The following LRRC31 variants were observed in gnomAD, a reference collection of about 807,000 sequenced individuals.
The protein encoded by LRRC31 is leucine rich repeat containing 31, also known as leucine-rich repeat-containing protein 31.
In LRRC31, 35 loss-of-function variants were observed where a neutral mutation model predicts 46.7. That is an observed-to-expected ratio of 0.75 (90% confidence interval 0.57 to 0.99). The LOEUF (loss-of-function observed/expected upper bound fraction) is 0.99, where lower values mean the gene tolerates loss of function less well. Among genes scored for constraint, LRRC31 ranks in the 50% least tolerant of loss-of-function variants. The pLI, the probability that LRRC31 is intolerant of heterozygous loss-of-function variation, is 0.00. For missense variants in LRRC31, 613 were observed against 626.1 expected, an observed-to-expected ratio of 0.98 and a Z score of 0.22; for synonymous variants, 236 against 235.1, an observed-to-expected ratio of 1.00 and a Z score of -0.03.
At chr3:169,851,427 A>C (rs543565782) in intron 7 of LRRC31, among the ~76,000 whole-genome samples, 192 bp downstream of exon 7, 7 of 152,218 alleles carry the variant, frequency 4.6e-5, no homozygotes, top group Non-Finnish European at 7.4e-5. Context: ...ACAACAACAA[A>C]AAAAACCCTG....
chr3:169,862,266 C>T (rs930805902), intron 1 of LRRC31, among the ~76,000 whole-genome samples: 5 of 152,160 alleles, frequency 3.3e-5, no homozygotes, highest in African/African-American at 1.2e-4. Flanking sequence ...TGCAAATGGC[C>T]ACACGGAGTA....
At position 169,869,914 on chromosome 3, in the gene LRRC31, A is replaced by G. The variant is rs1357314375; in HGVS notation, c.-107T>C. The stretch of plus-strand genomic sequence containing the variant: ...ATTCTGTCAAGCCTGTGTTCAATCA[A>G]AATATCCTCCCCTACATGACTGCCC... On this transcript the variant is annotated 5_prime_UTR_variant, in exon 1 of 9. Transcript: ENST00000316428. 9.8e-6 allele frequency: 10 copies of G among 1,020,012 alleles called. No individual in the cohort carries two copies. The highest frequency in any genetic ancestry group is 2.6e-4 in the Middle Eastern group (1 of 3,804). 63.2% of individuals were successfully genotyped at this position (1,020,012 alleles called of 1,614,324 possible). A position where few individuals can be genotyped will look rare whatever the true frequency, so the allele number is the denominator to read the frequency against.
At chr3:169,866,279 G>A (rs770041996) in intron 1 of LRRC31, among the ~76,000 whole-genome samples, 2 of 152,130 alleles carry the variant, frequency 1.3e-5, no homozygotes, top group Non-Finnish European at 2.9e-5. Context: ...GCAATGGAGA[G>A]GAAGAACCAG....
At chr3:169,865,741 G>A (rs1045770328) in intron 1 of LRRC31, among the ~76,000 whole-genome samples, 5 of 152,270 alleles carry the variant, frequency 3.3e-5, no homozygotes, top group African/African-American at 1.2e-4. Context: ...GGTGATTCCA[G>A]GTCGGGGAGG....
At chr3:169,858,373 G>T (rs1171423231) in intron 3 of LRRC31, among the ~76,000 whole-genome samples, 1 of 152,184 alleles carries the variant, frequency 6.6e-6, no homozygotes, top group Non-Finnish European at 1.5e-5. Context: ...TCAGGAAAAA[G>T]ATCAGGTTAA....
intron 8 of LRRC31, among the ~76,000 whole-genome samples, chr3:169,844,367 C>A (rs1780540440): frequency 6.6e-6 from 1 of 152,034 alleles, no homozygotes; most frequent in Non-Finnish European, 1.5e-5. Context: ...AAATGCTCAT[C>A]TCAATAGATG....
At chr3:169,859,825 G>C (rs534802535) in intron 3 of LRRC31, among the ~76,000 whole-genome samples, 17 of 152,238 alleles carry the variant, frequency 1.1e-4, no homozygotes, top group Admixed American at 1.0e-3. Context: ...CCCAGTGTAA[G>C]CATGTTTTAC....
At chr3:169,854,265 T>G (rs1190044538) in intron 6 of LRRC31, among the ~76,000 whole-genome samples, 1 of 152,220 alleles carries the variant, frequency 6.6e-6, no homozygotes, top group Non-Finnish European at 1.5e-5. Context: ...ACCCTTAATC[T>G]CAAGGCTACG....
In LRRC31 at chr3:169,845,970, T is replaced by C. The variant is rs114398689; in HGVS notation, c.1327+2150A>G. Among the ~76,000 whole-genome samples, 257 of 152,338 alleles carry C rather than the reference T, an allele frequency of 1.7e-3. 2 individuals carry two copies. The highest frequency in any genetic ancestry group is 5.5e-3 in the African/African-American group (228 of 41,588). On this transcript the variant is annotated intron_variant, in intron 8 of 8. Transcript: ENST00000316428. ...ATTATATTTCTGATAAAGGACTTAC[T>C]TGTATTCAGAAAAATCTAAAAAACT...
rs1466658304 is a variant in LRRC31, at chr3:169,854,810, T to G, written c.991+3A>C. ...TTTCCTTTGCTCTGCAATATATACT[T>G]ACTCAGTGACATCACGTCATCTGCT... is the stretch of plus-strand genomic sequence containing the variant. On this transcript the variant is annotated splice_donor_region_variant and intron_variant, in intron 6 of 8. Coordinates refer to ENST00000316428, the MANE Select transcript of LRRC31 (RefSeq NM_024727.4). 1 of 1,608,270 alleles carries G rather than the reference T, an allele frequency of 6.2e-7. No individual in the cohort carries two copies. Among genetic ancestry groups the G allele is most frequent in the South Asian group, 1.1e-5 (1 of 90,870 alleles).
rs1411313981 is a variant in LRRC31 at position 169,839,570 on chromosome 3, G to A, written c.*412C>T. ...CCTTTATATTTAGAACATTTAACTT[G>A]TAGGAAAAGAAGAGGCAAAACATTT... On this transcript the variant is annotated 3_prime_UTR_variant, in exon 9 of 9. Coordinates refer to ENST00000316428, the MANE Select transcript of LRRC31 (RefSeq NM_024727.4). 1 of 151,822 alleles carries A rather than the reference G, an allele frequency of 6.6e-6. No homozygotes were observed. Among genetic ancestry groups the A allele is most frequent in the Non-Finnish European group, 1.5e-5 (1 of 67,982 alleles). 9.4% of individuals were successfully genotyped at this position (151,822 alleles called of 1,614,324 possible).
intron 1 of LRRC31, among the ~76,000 whole-genome samples, chr3:169,865,180 G>C (rs1273926343): frequency 6.6e-6 from 1 of 151,904 alleles, no homozygotes; most frequent in Non-Finnish European, 1.5e-5. Flanking sequence ...GAACCCGGGA[G>C]GTGGAGTTGC....
At position 169,851,646 on chromosome 3, in the gene LRRC31, A is replaced by C. The variant is rs187241026; in HGVS notation, c.1132T>G (p.Leu378Val). 395 of 1,614,116 alleles carry C rather than the reference A, an allele frequency of 2.4e-4. 4 individuals are homozygous for C. Among genetic ancestry groups the C allele is most frequent in the East Asian group, 2.2e-5 (1 of 44,886 alleles). The change falls in exon 7 of 9, where the codon TTG (leucine) becomes GTG (valine). Residue 378 changes from leucine to valine, a missense_variant. By Grantham distance (32) the Leu-to-Val change is conservative (BLOSUM62 1). Transcript: ENST00000316428. Reference sequence around the variant, plus strand: ...AGAGCTGTAAAAGTCTCACTCTCCAAAGCACAGTTGTTGATAACTAATGAC... The same window carrying C: ...AGAGCTGTAAAAGTCTCACTCTCCACAGCACAGTTGTTGATAACTAATGAC... ...LKSLVINNCALESETFTALAE... is the reference protein window; with the variant it reads ...LKSLVINNCAVESETFTALAE...
chr3:169,856,723 C>T lies in LRRC31; in HGVS notation c.637G>A (p.Glu213Lys). The change falls in exon 4 of 9, where the codon GAA (glutamate) becomes AAA (lysine). Residue 213 changes from glutamate to lysine, a missense_variant. Physicochemically the swap from Glu to Lys is moderately conservative, Grantham distance 56. Coordinates refer to ENST00000316428, the MANE Select transcript of LRRC31 (RefSeq NM_024727.4). ...IELVDCSLTS[E>K]DGTFLGQLLP... ...CACTTACCCAGAAATGTCCCATCTT[C>T]TGACGTGAGGGAGCAATCCACAAGC... 6.3e-7 allele frequency: 1 copy of T among 1,584,386 alleles called. No homozygotes were observed. Among genetic ancestry groups the T allele is most frequent in the South Asian group, 1.2e-5 (1 of 86,150 alleles).
Position 169,848,252 on chromosome 3 carries a change from A to G in LRRC31, c.1195T>C (p.Phe399Leu). The G allele has an allele frequency of 6.2e-7, 1 of 1,614,222 alleles. No homozygotes were observed. The change falls in exon 8 of 9, where the codon TTC becomes CTC. Residue 399 changes from phenylalanine to leucine, a missense_variant. Coordinates refer to ENST00000316428, the MANE Select transcript of LRRC31 (RefSeq NM_024727.4). ...ACACACTTGTTCCAAGAAAGGTTGA[A>G]TACTTCCAGAGCAGAGAGGTGAACA... Reference protein sequence around the residue: ...ASVHLSALEVFNLSWNKCVGG... With the variant: ...ASVHLSALEVLNLSWNKCVGG...
intron 1 of LRRC31, among the ~76,000 whole-genome samples, 159 bp from the exon 2 acceptor site, chr3:169,861,972 T>G (rs1781181756): frequency 6.6e-6 from 1 of 152,144 alleles, no homozygotes; most frequent in Non-Finnish European, 1.5e-5. Context: ...GGACAAAGCT[T>G]AACTAACCAC....
intron 8 of LRRC31, among the ~76,000 whole-genome samples, chr3:169,843,063 C>T (rs1028373153): frequency 6.6e-6 from 1 of 152,128 alleles, no homozygotes; most frequent in Non-Finnish European, 1.5e-5. Flanking sequence ...TATGGCACAC[C>T]TGACTTTAAG....
chr3:169,852,431 A>C lies in LRRC31; in HGVS notation c.992-645T>G, dbSNP rs1461921943. 5.5e-5 allele frequency among the ~76,000 whole-genome samples: 8 copies of C among 146,316 alleles called. No homozygotes were observed. In the East Asian group the frequency reaches 1.4e-3, roughly 26 times the overall value. On this transcript the variant is annotated intron_variant, in intron 6 of 8. Transcript: ENST00000316428. ...AAAAAAAAAAAAAAAAAAAAAAAAA[A>C]CTCTTAGCCTTCTCTATTTCAAGTG...
At chr3:169,853,245 C>T (rs892962093) in intron 6 of LRRC31, 3 of 985,070 alleles carry the variant, frequency 3.0e-6, no homozygotes, top group Non-Finnish European at 3.6e-6. Context: ...ATCTATAATT[C>T]CATTTCTTTG....
Sources: allele counts gnomAD v4.1 joint callset (sites outside exome capture counted in the v4.1 genomes callset), GRCh38; gene constraint gnomAD v4.1.1; transcripts MANE v1.5; gene names NCBI Gene and HGNC (gene_info 2026-07-23, HGNC 2026-07-21).